PLEKHG1: variants seen among roughly 807,000 people sequenced by gnomAD.
The protein encoded by PLEKHG1 is pleckstrin homology and RhoGEF domain containing G1, also known as pleckstrin homology domain-containing family G member 1.
A neutral mutation model predicts 100.8 loss-of-function variants in PLEKHG1; 44 were observed. The ratio of observed to expected loss-of-function variants is 0.44; its 90% CI spans 0.34 to 0.56. PLEKHG1 has a LOEUF of 0.56. Among genes scored for constraint, PLEKHG1 ranks in the 20% least tolerant of loss-of-function variants. The probability of loss-of-function intolerance (pLI) is 0.01; values close to 1 mark genes in which losing one functional copy is unlikely to be tolerated. For synonymous variants in PLEKHG1, 640 were observed against 662.5 expected, an observed-to-expected ratio of 0.97 and a Z score of 0.52; for missense variants, 1,545 against 1,720.9, an observed-to-expected ratio of 0.90 and a Z score of 1.81.
At chr6:150,678,100 A>G (rs1036098536) in intron 3 of PLEKHG1, among the ~76,000 whole-genome samples, 6 of 135,016 alleles carry the variant, frequency 4.4e-5, no homozygotes, top group African/African-American at 1.1e-4. Flanking sequence ...ATATATATAT[A>G]TATGTTGTGG....
chr6:150,648,111 T>C (rs1034625202), intron 2 of PLEKHG1, among the ~76,000 whole-genome samples: 12 of 152,146 alleles, frequency 7.9e-5, no homozygotes, highest in African/African-American at 2.9e-4. Context: ...TTTCAGACTG[T>C]CTTCATTTTA....
At chr6:150,745,985 T>TGAGAGGA (rs1783140346) in intron 2 of PLEKHG1, among the ~76,000 whole-genome samples, 1 of 151,442 alleles carries the variant, frequency 6.6e-6, no homozygotes. Flanking sequence ...TAAGATAGAC[T>TGAGAGGA]GAGAGGAAAG....
chr6:150,830,816 T>C, exon 15 of PLEKHG1: 1 of 1,614,150 alleles, frequency 6.2e-7, no homozygotes, highest in Non-Finnish European at 8.5e-7. Flanking sequence ...ATTTTCCTCC[T>C]CAGATCTGAA....
At chr6:150,688,132 G>A (rs770130352) in intron 3 of PLEKHG1, among the ~76,000 whole-genome samples, 10 of 150,892 alleles carry the variant, frequency 6.6e-5, no homozygotes, top group Non-Finnish European at 1.0e-4. Context: ...TAGGCATTCC[G>A]TAAGAAGTGC....
chr6:150,755,928 G>A (rs1783814145), intron 2 of PLEKHG1, among the ~76,000 whole-genome samples: 1 of 151,856 alleles, frequency 6.6e-6, no homozygotes, highest in Admixed American at 6.6e-5. Flanking sequence ...CCATCTTGTG[G>A]TAGATAGAAG....
At chr6:150,820,918 G>A (rs919411077) in intron 12 of PLEKHG1, among the ~76,000 whole-genome samples, 4 of 152,218 alleles carry the variant, frequency 2.6e-5, no homozygotes, top group Non-Finnish European at 5.9e-5. Flanking sequence ...TAGTGAAGCT[G>A]AGGAAGCTGC....
At chr6:150,669,818 G>A (rs1456313803) in intron 3 of PLEKHG1, among the ~76,000 whole-genome samples, 1 of 151,818 alleles carries the variant, frequency 6.6e-6, no homozygotes, top group Non-Finnish European at 1.5e-5. Context: ...GACTGGTCTC[G>A]AACTCCTGAC....
intron 3 of PLEKHG1, among the ~76,000 whole-genome samples, chr6:150,780,881 T>G (rs1785270114): frequency 6.6e-6 from 1 of 151,950 alleles, no homozygotes; most frequent in African/African-American, 2.4e-5. Context: ...GTTTGTTTGT[T>G]TGTTTTTTCT....
intron 3 of PLEKHG1, among the ~76,000 whole-genome samples, chr6:150,782,684 AG>A (rs1033976149): frequency 2.0e-5 from 3 of 152,228 alleles, no homozygotes; most frequent in African/African-American, 7.2e-5. Context: ...TGTTCTATTA[AG>A]TTAGAGATTA....
chr6:150,710,442 T>G (rs1781202071), intron 3 of PLEKHG1, among the ~76,000 whole-genome samples: 1 of 152,080 alleles, frequency 6.6e-6, no homozygotes, highest in Admixed American at 6.5e-5. Flanking sequence ...AACCACACCT[T>G]TTAAGGACCC....
chr6:150,628,624 ATTAAC>A (rs1562393556), intron 1 of PLEKHG1, among the ~76,000 whole-genome samples: 2 of 147,640 alleles, frequency 1.4e-5, no homozygotes, highest in East Asian at 2.0e-4. Context: ...TGGATTAAGT[ATTAAC>A]TTGACTTGAG....
rs1373360510 is a variant in PLEKHG1 at position 150,600,815 on chromosome 6, C to A, written c.-204+798C>A. 2.6e-5 allele frequency: 4 copies of A among 152,238 alleles called. No individual in the cohort carries two copies. Among genetic ancestry groups the A allele is most frequent in the Admixed American group, 1.3e-4 (2 of 15,290 alleles). The allele number at this position is 152,238 out of a possible 1,614,324, so 9.4% of individuals were successfully genotyped here. A position where few individuals can be genotyped will look rare whatever the true frequency, so the allele number is the denominator to read the frequency against. On this transcript the variant is annotated intron_variant, in intron 1 of 3. Coordinates refer to the PLEKHG1 transcript ENST00000367326. This position sits in a 1 kb window ranked among gnomAD's most constrained non-coding sequence, Gnocchi z 6.2. ...ACTGGGAGAACGGCGCTCGGCTGGT[C>A]AATTCATTCCGCTCCTCGGAAACAA...
chr6:150,714,240 T>A lies in PLEKHG1; in HGVS notation c.-98-19344T>A, dbSNP rs545017412. 2.0e-5 allele frequency among the ~76,000 whole-genome samples: 3 copies of A among 152,358 alleles called. No homozygotes were observed. The South Asian group carries it at 6.2e-4, about 32-fold the overall frequency. On this transcript the variant is annotated intron_variant, in intron 3 of 3. Transcript: ENST00000367326. ...AGATTATCGAAAGCAAGAGGCTTTT[T>A]GCAACATATTTGCTTGCTTGATATC...
At chr6:150,653,197 T>C (rs1037521185) in intron 3 of PLEKHG1, among the ~76,000 whole-genome samples, 2 of 152,198 alleles carry the variant, frequency 1.3e-5, no homozygotes, top group Non-Finnish European at 2.9e-5. Context: ...TGTTTTAACT[T>C]TACTTTAAAA....
chr6:150,632,814 A>T (rs1325587667), intron 1 of PLEKHG1: 1 of 152,248 alleles, frequency 6.6e-6, no homozygotes, highest in Non-Finnish European at 1.5e-5. Context: ...CCGTGAAATG[A>T]TACATGTCAC....
chr6:150,638,491 T>C (rs1406792349), intron 2 of PLEKHG1, among the ~76,000 whole-genome samples: 1 of 152,222 alleles, frequency 6.6e-6, no homozygotes, highest in Non-Finnish European at 1.5e-5. Flanking sequence ...TGAACCTTTC[T>C]TCTCATTGCC....
intron 3 of PLEKHG1, among the ~76,000 whole-genome samples, chr6:150,658,133 T>C (rs1779040993): frequency 6.6e-6 from 1 of 152,136 alleles, no homozygotes; most frequent in Middle Eastern, 3.2e-3. Flanking sequence ...ATCCCAGTCG[T>C]CCTCATTTCA....
intron 10 of PLEKHG1, among the ~76,000 whole-genome samples, chr6:150,813,585 G>A (rs1220405648): frequency 2.0e-5 from 3 of 152,176 alleles, no homozygotes; most frequent in Admixed American, 2.0e-4. Context: ...ATTAGGCTGA[G>A]TGAAGAGGAA....
At chr6:150,641,975 A>G (rs1206622276) in intron 2 of PLEKHG1, among the ~76,000 whole-genome samples, 2 of 151,266 alleles carry the variant, frequency 1.3e-5, no homozygotes, top group African/African-American at 2.4e-5. Flanking sequence ...AAGTGATGTA[A>G]CACATTTCCC....
Sources: gnomAD v4.1 joint callset for allele counts (sites outside exome capture counted in the v4.1 genomes callset) on GRCh38, gnomAD v4.1.1 for gene constraint, Gnocchi (gnomAD v3.1) non-coding constraint, MANE v1.5 for transcripts, NCBI Gene and HGNC (gene_info 2026-07-23, HGNC 2026-07-21) for gene names.